The following CTNNA3 variants were observed in gnomAD, a reference collection of about 807,000 sequenced individuals.
CTNNA3 encodes the protein catenin alpha-3.
A neutral mutation model predicts 95.7 loss-of-function variants in CTNNA3; 76 were observed. The observed-to-expected ratio is 0.79, with a 90% confidence interval of 0.66 to 0.96. The LOEUF (loss-of-function observed/expected upper bound fraction) is 0.96, where lower values mean the gene tolerates loss of function less well. CTNNA3 is among the 40% of genes least tolerant of loss of function. The probability of loss-of-function intolerance (pLI) is 0.00; values close to 1 mark genes in which losing one functional copy is unlikely to be tolerated. For synonymous variants in CTNNA3, 431 were observed against 374.4 expected, an observed-to-expected ratio of 1.15 and a Z score of -1.74; for missense variants, 1,191 against 1,089.8, an observed-to-expected ratio of 1.09 and a Z score of -1.31.
intron 9 of CTNNA3, among the ~76,000 whole-genome samples, chr10:66,644,396 T>G (rs1297815464): frequency 6.8e-6 from 1 of 147,898 alleles, no homozygotes; most frequent in Non-Finnish European, 1.5e-5. Context: ...ATATTTTACA[T>G]ATATATATTT....
chr10:66,113,434 A>T (rs1430726062), intron 13 of CTNNA3, among the ~76,000 whole-genome samples: 2 of 152,188 alleles, frequency 1.3e-5, no homozygotes, highest in African/African-American at 2.4e-5. Flanking sequence ...AGGAACAGAA[A>T]ATCTATGGTA....
intron 7 of CTNNA3, among the ~76,000 whole-genome samples, chr10:66,874,658 A>T (rs1844547004): frequency 6.6e-6 from 1 of 152,198 alleles, no homozygotes; most frequent in Non-Finnish European, 1.5e-5. Flanking sequence ...TTTCTACTGA[A>T]TTTCATGTTT....
At chr10:66,740,304 G>A (rs184438175) in intron 9 of CTNNA3, among the ~76,000 whole-genome samples, 11 of 152,262 alleles carry the variant, frequency 7.2e-5, no homozygotes, top group Admixed American at 4.6e-4. Flanking sequence ...TCTGAATGAC[G>A]ATGCAAAATA....
chr10:66,774,057 T>C (rs1840198735), intron 8 of CTNNA3, among the ~76,000 whole-genome samples: 1 of 152,208 alleles, frequency 6.6e-6, no homozygotes, highest in South Asian at 2.1e-4. Context: ...CACACACAAG[T>C]AATTGCATTT....
At position 67,134,319 on chromosome 10, in the gene CTNNA3, G is replaced by A. The variant is rs138417356; in HGVS notation, c.1047+45998C>T. Among the ~76,000 whole-genome samples, 169 of 152,244 alleles carry A rather than the reference G, an allele frequency of 1.1e-3. 1 individual carries two copies. The highest frequency in any genetic ancestry group is 3.9e-3 in the African/African-American group (163 of 41,554). ...AATTCCATAATCATTGAAAAATGTA[G>A]AGAAGTGATAACGAGACTGATAAAT... On this transcript the variant is annotated intron_variant, in intron 7 of 17. Coordinates refer to ENST00000433211, the MANE Select transcript of CTNNA3 (RefSeq NM_013266.4).
intron 10 of CTNNA3, among the ~76,000 whole-genome samples, chr10:66,589,867 G>C (rs896473640): frequency 6.6e-6 from 1 of 152,100 alleles, no homozygotes; most frequent in Non-Finnish European, 1.5e-5. Context: ...AGTGGGCTCA[G>C]TGTACTGTGA....
intron 11 of CTNNA3, among the ~76,000 whole-genome samples, chr10:66,517,727 A>G (rs746635282): frequency 7.9e-5 from 12 of 152,084 alleles, no homozygotes; most frequent in Non-Finnish European, 1.6e-4. Context: ...TTCACTTTGC[A>G]TTGCAGACTT....
intron 5 of CTNNA3, among the ~76,000 whole-genome samples, chr10:67,291,426 C>G (rs919339464): frequency 6.6e-6 from 1 of 152,130 alleles, no homozygotes; most frequent in Non-Finnish European, 1.5e-5. Context: ...CTATAGGTCT[C>G]CACAGCACTT....
chr10:66,401,512 T>G (rs1427364651), intron 11 of CTNNA3, among the ~76,000 whole-genome samples: 2 of 100,756 alleles, frequency 2.0e-5, no homozygotes, highest in African/African-American at 7.9e-5. Flanking sequence ...CTAGACTGTG[T>G]CTCAAAACAC....
chr10:67,196,672 C>A lies in CTNNA3; in HGVS notation c.844-16152G>T, dbSNP rs141014599. On this transcript the variant is annotated intron_variant, in intron 6 of 17. Coordinates refer to ENST00000433211, the MANE Select transcript of CTNNA3 (RefSeq NM_013266.4). Reference sequence around the variant, plus strand: ...AAACCAGCCTATGCACAGCACCACACATCATGAATTCTTTCAGTTTTTTAT... The same window carrying A: ...AAACCAGCCTATGCACAGCACCACAAATCATGAATTCTTTCAGTTTTTTAT... Among the ~76,000 whole-genome samples the A allele has an allele frequency of 1.6e-3, 240 of 152,172 alleles. 3 individuals are homozygous for A. Among genetic ancestry groups the A allele is most frequent in the African/African-American group, 5.6e-3 (231 of 41,540 alleles).
intron 11 of CTNNA3, among the ~76,000 whole-genome samples, chr10:66,471,973 A>G (rs1031180764): frequency 5.9e-5 from 9 of 152,112 alleles, no homozygotes. Flanking sequence ...GCTCAATTTC[A>G]CACTGACGTG....
At chr10:67,583,372 T>G (rs1453177323) in intron 3 of CTNNA3, among the ~76,000 whole-genome samples, 1 of 152,228 alleles carries the variant, frequency 6.6e-6, no homozygotes, top group Non-Finnish European at 1.5e-5. Context: ...TCTTTAAGAA[T>G]GTTGAATATT....
rs779637505 is a variant in CTNNA3, at chr10:66,520,687, C to T, written c.1461G>A (p.Glu487=). Residue 487 remains glutamate (E), a synonymous_variant, in exon 11 of 18, where the codon GAG becomes GAA. Transcript: ENST00000433211. Reference sequence around the variant, plus strand: ...CTTCAGTGAGGACATGTATATGATTCTCCCATGTACGCTTGTACATTTCCA... The same window carrying T: ...CTTCAGTGAGGACATGTATATGATTTTCCCATGTACGCTTGTACATTTCCA... The part of the protein sequence containing the change: ...NTMEMYKRTW[E]NHIHVLTEAV... The T allele has an allele frequency of 1.5e-5, 24 of 1,611,916 alleles. No individual in the cohort carries two copies. In the Admixed American group the frequency reaches 3.8e-4, roughly 26 times the overall value.
At chr10:66,570,144 G>A (rs10997239) in intron 10 of CTNNA3, among the ~76,000 whole-genome samples, 39,716 of 151,980 alleles carry the variant, frequency 0.26, 5,861 homozygotes, top group Middle Eastern at 0.42. Flanking sequence ...GACCCTTTTA[G>A]GGATACTTCA....
intron 13 of CTNNA3, among the ~76,000 whole-genome samples, chr10:66,220,071 C>A (rs996488052): frequency 6.6e-6 from 1 of 151,920 alleles, no homozygotes; most frequent in Non-Finnish European, 1.5e-5. Context: ...TGCAGTGAGC[C>A]GAGATCACGC....
chr10:67,466,185 AT>A (rs1183303181), intron 5 of CTNNA3, among the ~76,000 whole-genome samples: 3 of 152,092 alleles, frequency 2.0e-5, no homozygotes, highest in African/African-American at 7.2e-5. Flanking sequence ...GTACAATGCT[AT>A]TTTTTCTAAT....
chr10:66,597,537 T>C (rs1334214473), intron 10 of CTNNA3, among the ~76,000 whole-genome samples: 18 of 136,890 alleles, frequency 1.3e-4, no homozygotes, highest in Middle Eastern at 3.7e-3. Flanking sequence ...TATATATATA[T>C]ATATATATAT....
intron 5 of CTNNA3, among the ~76,000 whole-genome samples, chr10:67,254,430 T>C (rs1177905010): frequency 2.6e-5 from 4 of 152,188 alleles, no homozygotes; most frequent in Non-Finnish European, 2.9e-5. Context: ...ACCATTCTTA[T>C]TGACAATAAC....
At chr10:66,750,129 T>C (rs1365947483) in intron 9 of CTNNA3, among the ~76,000 whole-genome samples, 3 of 152,230 alleles carry the variant, frequency 2.0e-5, no homozygotes, top group Non-Finnish European at 2.9e-5. Flanking sequence ...TTATGGAATC[T>C]ATGTATTTCA....
Sources: gnomAD v4.1 joint callset for allele counts (sites outside exome capture counted in the v4.1 genomes callset) on GRCh38, gnomAD v4.1.1 for gene constraint, MANE v1.5 for transcripts, NCBI Gene and HGNC (gene_info 2026-07-23, HGNC 2026-07-21) for gene names.